SLC7A5: variants seen among roughly 807,000 people sequenced by gnomAD.
The protein encoded by SLC7A5 is solute carrier family 7 member 5, also known as large neutral amino acids transporter small subunit 1.
Under a neutral mutation model 50.2 loss-of-function variants are expected in SLC7A5, and 23 were observed. That is an observed-to-expected ratio of 0.46 (90% CI 0.33 to 0.65). The LOEUF is 0.65. Among genes scored for constraint, SLC7A5 ranks in the 30% least tolerant of loss-of-function variants. SLC7A5 has a pLI of 0.02. For missense variants in SLC7A5, 578 were observed against 684.4 expected, an observed-to-expected ratio of 0.84 and a Z score of 1.73; for synonymous variants, 393 against 330.6, an observed-to-expected ratio of 1.19 and a Z score of -2.05.
At chr16:87,865,774 A>C (rs2055453118) in intron 1 of SLC7A5, among the ~76,000 whole-genome samples, 1 of 152,196 alleles carries the variant, frequency 6.6e-6, no homozygotes, top group Non-Finnish European at 1.5e-5. Flanking sequence ...AAATAAATCC[A>C]GGAACGCGTG....
In SLC7A5 at chr16:87,869,456, G is replaced by C; in HGVS notation, c.-34C>G. 7.4e-7 allele frequency: 1 copy of C among 1,347,528 alleles called. No homozygotes were observed. Among genetic ancestry groups the C allele is most frequent in the Non-Finnish European group, 9.5e-7 (1 of 1,057,832 alleles). 83.5% of individuals were successfully genotyped at this position (1,347,528 alleles called of 1,614,324 possible). A position where few individuals can be genotyped will look rare whatever the true frequency, so the allele number is the denominator to read the frequency against. ...CACCGGCCGGGCCTGGGACACCCGG[G>C]AGCCGCGGCCCAGCGAGCAGTGTGC... On this transcript the variant is annotated 5_prime_UTR_variant, in exon 1 of 10. Coordinates refer to ENST00000261622, the MANE Select transcript of SLC7A5 (RefSeq NM_003486.7).
At chr16:87,858,941 C>T (rs968996697) in intron 1 of SLC7A5, among the ~76,000 whole-genome samples, 6 of 152,222 alleles carry the variant, frequency 3.9e-5, no homozygotes, top group East Asian at 3.8e-4. Flanking sequence ...TCCCTGGTGA[C>T]GGGGAGCCCT....
chr16:87,868,632 G>A (rs1378562008), intron 1 of SLC7A5, among the ~76,000 whole-genome samples: 3 of 152,234 alleles, frequency 2.0e-5, no homozygotes, highest in South Asian at 2.1e-4. Flanking sequence ...GGAATGGAAT[G>A]CCCACCGAAG....
intron 1 of SLC7A5, among the ~76,000 whole-genome samples, chr16:87,856,474 C>T (rs1437175356): frequency 2.0e-5 from 3 of 152,326 alleles, no homozygotes; most frequent in Middle Eastern, 3.4e-3. Context: ...GGCAGCTGAC[C>T]ACAGCAACTA....
At chr16:87,842,865 C>G (rs1394532774) in intron 2 of SLC7A5, among the ~76,000 whole-genome samples, 1 of 68,022 alleles carries the variant, frequency 1.5e-5, no homozygotes, top group African/African-American at 1.0e-4. Context: ...TGCACAGCAC[C>G]TCGGCACAGC....
chr16:87,838,760 G>A lies in SLC7A5; in HGVS notation c.997C>T (p.Leu333=). ...MSWIIPVFVG[L]SCFGSVNGSL... is the part of the protein sequence containing the mutation. ...CCATTGACGGAGCCGAAGCAGGACA[G>A]GCCCACGAAGACGGGGATGATCCAG... Residue 333 remains leucine, a synonymous_variant, in exon 6 of 10, where the codon CTG becomes TTG. Coordinates refer to ENST00000261622, the MANE Select transcript of SLC7A5 (RefSeq NM_003486.7). 6.2e-7 allele frequency: 1 copy of A among 1,614,084 alleles called. No individual in the cohort carries two copies. The highest frequency in any genetic ancestry group is 8.5e-7 in the Non-Finnish European group (1 of 1,180,018).
chr16:87,855,804 C>G (rs985692333), intron 1 of SLC7A5, among the ~76,000 whole-genome samples: 13 of 151,972 alleles, frequency 8.6e-5, no homozygotes, highest in African/African-American at 3.1e-4. Context: ...GGGTGGGGAC[C>G]CCGCAGGCCC....
Position 87,861,853 on chromosome 16 carries a change from C to T in SLC7A5, c.538+7032G>A, listed in dbSNP as rs2055402636. Among the ~76,000 whole-genome samples, 1 of 152,212 alleles carries T rather than the reference C, an allele frequency of 6.6e-6. No homozygotes were observed. Among genetic ancestry groups the T allele is most frequent in the Non-Finnish European group, 1.5e-5 (1 of 68,028 alleles). On this transcript the variant is annotated intron_variant, in intron 1 of 9. Coordinates refer to ENST00000261622, the MANE Select transcript of SLC7A5 (RefSeq NM_003486.7). The surrounding 1 kb of genome is among the most constrained non-coding windows in gnomAD (Gnocchi z 4.2). ...GTGAGCTCCCCCTACGGCCTTGCCC[C>T]GAATCCCGTGATGCAGCGTGACCTG...
At chr16:87,835,763 C>G (rs186229237) in intron 8 of SLC7A5, among the ~76,000 whole-genome samples, 1 of 152,266 alleles carries the variant, frequency 6.6e-6, no homozygotes, top group South Asian at 2.1e-4. Context: ...CGTGAGCCAC[C>G]GCGCCCAGCC....
At position 87,841,678 on chromosome 16, in the gene SLC7A5, T is replaced by C. The variant is rs113049135; in HGVS notation, c.665-523A>G. ...CCTGGGCAAGAACATAGGTTTGTCC[T>C]GGACCGTGCTGAGTGTGTGGCCAGC... On this transcript the variant is annotated intron_variant, in intron 2 of 9. Coordinates refer to ENST00000261622, the MANE Select transcript of SLC7A5 (RefSeq NM_003486.7). The surrounding 1 kb of genome is among the most constrained non-coding windows in gnomAD (Gnocchi z 4.8). Among the ~76,000 whole-genome samples the C allele has an allele frequency of 0.025, 3,840 of 152,276 alleles. 148 individuals are homozygous for C. Among genetic ancestry groups the C allele is most frequent in the African/African-American group, 0.085 (3,513 of 41,550 alleles).
intron 1 of SLC7A5, among the ~76,000 whole-genome samples, chr16:87,865,276 T>G (rs1322424942): frequency 1.3e-5 from 2 of 152,086 alleles, no homozygotes; most frequent in Non-Finnish European, 2.9e-5. Context: ...ACAAATGGCT[T>G]AGGGACATGA....
chr16:87,849,214 A>G (rs2055189965), intron 2 of SLC7A5, among the ~76,000 whole-genome samples: 3 of 138,238 alleles, frequency 2.2e-5, no homozygotes, highest in Non-Finnish European at 1.5e-5. Flanking sequence ...CAGCTGCCCA[A>G]GGGCTTTGCG....
rs559419880 is a variant in SLC7A5 at position 87,855,875 on chromosome 16, T to TACAG, written c.539-4030_539-4027dup. Among the ~76,000 whole-genome samples the TACAG allele has an allele frequency of 3.9e-5, 6 of 152,246 alleles. No homozygotes were observed. The South Asian group carries it at 1.2e-3, about 32-fold the overall frequency. The stretch of plus-strand genomic sequence containing the variant: ...TTTCAGGTAATAAACATGTACCAGG[T>TACAG]ACAGGAGCATCCGTGGATAGGGTTC... On this transcript the variant is annotated intron_variant, in intron 1 of 9. Coordinates refer to ENST00000261622, the MANE Select transcript of SLC7A5 (RefSeq NM_003486.7).
chr16:87,834,143 C>T lies in SLC7A5; in HGVS notation c.1468+271G>A, dbSNP rs533793996. Among the ~76,000 whole-genome samples, 28 of 152,296 alleles carry T rather than the reference C, an allele frequency of 1.8e-4. No individual in the cohort carries two copies. In the East Asian group the frequency reaches 2.1e-3, roughly 12 times the overall value. ...CCTTTCTGGGTAAGTCTGCTGTGTC[C>T]GCTGGTGGCAGCCAGCAGGATTTTG... On this transcript the variant is annotated intron_variant, in intron 9 of 9. Transcript: ENST00000261622.
rs61164920 is a variant in SLC7A5 at position 87,852,638 on chromosome 16, C to CTGTGTGTGTG, written c.539-799_539-790dup. Among the ~76,000 whole-genome samples, 3,879 of 116,702 alleles carry CTGTGTGTGTG rather than the reference C, an allele frequency of 0.033. 145 individuals are homozygous for CTGTGTGTGTG. Among genetic ancestry groups the CTGTGTGTGTG allele is most frequent in the East Asian group, 0.14 (484 of 3,420 alleles). The allele number at this position is 116,702 out of a possible 152,430, so 76.6% of individuals were successfully genotyped here. A position where few individuals can be genotyped will look rare whatever the true frequency, so the allele number is the denominator to read the frequency against. On this transcript the variant is annotated intron_variant, in intron 1 of 9. Transcript: ENST00000261622. The surrounding 1 kb of genome is among the most constrained non-coding windows in gnomAD (Gnocchi z 4.5). ...CTGTAAGGCACCCAGCTCTGAGCCTCTGTGTGTGTGTGTGTGTGTGTGTGT... is the reference window on the plus strand; with the variant it reads ...CTGTAAGGCACCCAGCTCTGAGCCTCTGTGTGTGTGTGTGTGTGTGTGTGTGTGTGTGTGT...
In SLC7A5 at chr16:87,859,552, C is replaced by T. The variant is rs149350851; in HGVS notation, c.539-7703G>A. On this transcript the variant is annotated intron_variant, in intron 1 of 9. Coordinates refer to ENST00000261622, the MANE Select transcript of SLC7A5 (RefSeq NM_003486.7). ...GATATTCCAAAGTTAACCTGAAAAACGAGCTCAGGTCACGATGGGAAGAGG... is the reference window on the plus strand; with the variant it reads ...GATATTCCAAAGTTAACCTGAAAAATGAGCTCAGGTCACGATGGGAAGAGG... 6.2e-4 allele frequency among the ~76,000 whole-genome samples: 95 copies of T among 152,284 alleles called. 1 individual carries two copies. The East Asian group carries it at 8.7e-3, about 14-fold the overall frequency.
chr16:87,842,651 C>A (rs547074699), intron 2 of SLC7A5, among the ~76,000 whole-genome samples: 28 of 152,292 alleles, frequency 1.8e-4, no homozygotes, highest in East Asian at 5.8e-4. Context: ...GGCCTTTGAT[C>A]TTCAGCCTAC....
Position 87,849,536 on chromosome 16 carries a change from C to G in SLC7A5, c.664+2188G>C, listed in dbSNP as rs1173626507. On this transcript the variant is annotated intron_variant, in intron 2 of 9. Transcript: ENST00000261622. ...ATCACGTTCCCCTCCTAAATCTTTCCTGGCTATCTGATGAGCGCAGCCAAG... is the reference window on the plus strand; with the variant it reads ...ATCACGTTCCCCTCCTAAATCTTTCGTGGCTATCTGATGAGCGCAGCCAAG... 3.3e-5 allele frequency among the ~76,000 whole-genome samples: 5 copies of G among 152,336 alleles called. No homozygotes were observed. The East Asian group carries it at 9.6e-4, about 29-fold the overall frequency.
In SLC7A5 at chr16:87,866,366, C is replaced by T. The variant is rs539433852; in HGVS notation, c.538+2519G>A. On this transcript the variant is annotated intron_variant, in intron 1 of 9. Transcript: ENST00000261622. ...GTGGTAAAGGAGGAGAAATGTGTCA[C>T]CCAGGCAGGAGCTCAGTGGCACCAT... Among the ~76,000 whole-genome samples, 122 of 152,346 alleles carry T rather than the reference C, an allele frequency of 8.0e-4. 1 individual carries two copies. Among genetic ancestry groups the T allele is most frequent in the Middle Eastern group, 6.8e-3 (2 of 294 alleles).
Sources: gnomAD v4.1 joint callset for allele counts (sites outside exome capture counted in the v4.1 genomes callset) on GRCh38, gnomAD v4.1.1 for gene constraint, Gnocchi (gnomAD v3.1) non-coding constraint, MANE v1.5 for transcripts, NCBI Gene and HGNC (gene_info 2026-07-23, HGNC 2026-07-21) for gene names.